Variants in XIRP2 observed in about 807,000 individuals in gnomAD.
The protein encoded by XIRP2 is xin actin binding repeat containing 2.
XIRP2 carries 236 observed loss-of-function variants against 277.0 expected under a neutral mutation model. That is an observed-to-expected ratio of 0.85 (90% CI 0.77 to 0.95). The LOEUF is 0.95. Ranked by LOEUF, XIRP2 falls within the 40% of genes least tolerant of loss-of-function variation. The probability of loss-of-function intolerance (pLI) is 0.00; values close to 1 mark genes in which losing one functional copy is unlikely to be tolerated. For missense variants in XIRP2, 4,640 were observed against 4,157.5 expected (o/e 1.12, Z -3.19); for synonymous variants, 1,490 against 1,416.5 (o/e 1.05, Z -1.17).
chr2:167,243,068 CAGAAAG>C lies in XIRP2; in HGVS notation c.1681_1686del (p.Arg561_Glu562del). ...GACAGTTCTCAAAAAGATCTGAACT[CAGAAAG>C]AGAATACTTGGAATGGGATGAAATT... On this transcript the variant is annotated inframe_deletion, in exon 9 of 11. Transcript: ENST00000409195. The C allele has an allele frequency of 6.2e-7, 1 of 1,614,006 alleles. No individual in the cohort carries two copies. The highest frequency in any genetic ancestry group is 1.3e-5 in the African/African-American group (1 of 75,008).
intron 2 of XIRP2, among the ~76,000 whole-genome samples, chr2:166,912,493 CT>C (rs1684737436): frequency 6.6e-6 from 1 of 152,176 alleles, no homozygotes; most frequent in Non-Finnish European, 1.5e-5. Flanking sequence ...TTTGGTTATT[CT>C]AGTTAGCCAT....
At position 167,058,488 on chromosome 2, in the gene XIRP2, G is replaced by A. The variant is rs538440023; in HGVS notation, c.409-77421G>A. Reference sequence around the variant, plus strand: ...CTTATGATTTTGTGATTTGACTGGCGAGATCTTCTGGTCTACTTGGTCTTG... The same window carrying A: ...CTTATGATTTTGTGATTTGACTGGCAAGATCTTCTGGTCTACTTGGTCTTG... On this transcript the variant is annotated intron_variant, in intron 2 of 10. Transcript: ENST00000409195. 3.3e-5 allele frequency among the ~76,000 whole-genome samples: 5 copies of A among 152,232 alleles called. No homozygotes were observed. The South Asian group carries it at 6.2e-4, about 19-fold the overall frequency.
At chr2:167,023,487 T>A (rs538715688) in intron 2 of XIRP2, among the ~76,000 whole-genome samples, 89 of 152,130 alleles carry the variant, frequency 5.9e-4, no homozygotes, top group Non-Finnish European at 9.1e-4. Context: ...ATTTTGTCTT[T>A]TGTTGCCATT....
intron 2 of XIRP2, among the ~76,000 whole-genome samples, chr2:166,927,602 C>G (rs925472325): frequency 1.3e-5 from 2 of 152,132 alleles, no homozygotes; most frequent in Non-Finnish European, 2.9e-5. Context: ...GCTTCTACTT[C>G]CCTCTTCCAT....
intron 3 of XIRP2, among the ~76,000 whole-genome samples, chr2:167,149,053 C>T (rs1691940623): frequency 6.6e-6 from 1 of 151,932 alleles, no homozygotes; most frequent in Non-Finnish European, 1.5e-5. Flanking sequence ...ATGGACTGTA[C>T]ACATAGGAGT....
intron 1 of XIRP2, among the ~76,000 whole-genome samples, chr2:166,902,813 CA>C (rs1684416581): frequency 6.6e-6 from 1 of 152,066 alleles, no homozygotes; most frequent in Admixed American, 6.6e-5. Context: ...CAGGCTTTGT[CA>C]CTCAGAATCC....
intron 3 of XIRP2, among the ~76,000 whole-genome samples, chr2:167,165,984 C>G (rs1321022508): frequency 6.6e-6 from 1 of 152,096 alleles, no homozygotes; most frequent in Admixed American, 6.5e-5. Flanking sequence ...ACATTTAGGT[C>G]CGTGATCCAT....
At chr2:167,252,308 G>A (rs1351472807) in intron 9 of XIRP2, among the ~76,000 whole-genome samples, 1 of 151,896 alleles carries the variant, frequency 6.6e-6, no homozygotes, top group Non-Finnish European at 1.5e-5. Context: ...GCCTAATATT[G>A]ACATATTTTT....
At chr2:167,142,636 G>A (rs1439138775) in intron 3 of XIRP2, among the ~76,000 whole-genome samples, 2 of 152,108 alleles carry the variant, frequency 1.3e-5, no homozygotes, top group African/African-American at 4.8e-5. Flanking sequence ...AAATTAGAAT[G>A]TCAGTACAAA....
chr2:166,959,736 T>C (rs780421517), intron 2 of XIRP2, among the ~76,000 whole-genome samples: 10 of 151,784 alleles, frequency 6.6e-5, no homozygotes, highest in Non-Finnish European at 1.5e-5. Flanking sequence ...CATTGTACTT[T>C]TGAGAGTTTG....
At chr2:167,193,281 T>C (rs544584402) in intron 3 of XIRP2, among the ~76,000 whole-genome samples, 2 of 152,288 alleles carry the variant, frequency 1.3e-5, no homozygotes, top group East Asian at 3.9e-4. Flanking sequence ...ACCTCTTTCA[T>C]TTACTTCACA....
At chr2:167,203,310 T>C (rs1693772557) in intron 3 of XIRP2, among the ~76,000 whole-genome samples, 1 of 152,252 alleles carries the variant, frequency 6.6e-6, no homozygotes, top group Non-Finnish European at 1.5e-5. Flanking sequence ...AGGAGAATAC[T>C]AGCTAGGACA....
chr2:167,172,928 T>C (rs1692737837), intron 3 of XIRP2, among the ~76,000 whole-genome samples: 1 of 152,194 alleles, frequency 6.6e-6, no homozygotes, highest in African/African-American at 2.4e-5. Context: ...CATGAAATCT[T>C]CACAATTTAT....
intron 3 of XIRP2, among the ~76,000 whole-genome samples, chr2:167,205,061 C>T (rs1420985636): frequency 6.6e-6 from 1 of 152,168 alleles, no homozygotes; most frequent in African/African-American, 2.4e-5. Context: ...CTCTCTAGCA[C>T]ATATTCACAT....
intron 2 of XIRP2, among the ~76,000 whole-genome samples, chr2:166,905,259 A>G (rs1344459494): frequency 2.6e-5 from 4 of 152,020 alleles, no homozygotes; most frequent in African/African-American, 7.2e-5. Context: ...AATAATTTCC[A>G]TTCAATCCCT....
chr2:166,898,251 T>C (rs1005511363), intron 1 of XIRP2, among the ~76,000 whole-genome samples: 1 of 152,106 alleles, frequency 6.6e-6, no homozygotes, highest in African/African-American at 2.4e-5. Flanking sequence ...CTTAAAGGGA[T>C]TCAGCTATTT....
intron 2 of XIRP2, among the ~76,000 whole-genome samples, chr2:167,065,060 G>T (rs565370540): frequency 1.1e-4 from 17 of 151,992 alleles, no homozygotes; most frequent in Admixed American, 1.1e-3. Context: ...TACATTTACA[G>T]TTTTGAGGAA....
At chr2:167,233,117 A>G (rs1449036315) in intron 5 of XIRP2, among the ~76,000 whole-genome samples, 1 of 151,904 alleles carries the variant, frequency 6.6e-6, no homozygotes, top group African/African-American at 2.4e-5. Flanking sequence ...ACATCTGATG[A>G]GGGAGAATGT....
chr2:167,135,164 T>C (rs993575317), intron 2 of XIRP2, among the ~76,000 whole-genome samples: 2 of 152,148 alleles, frequency 1.3e-5, no homozygotes, highest in Non-Finnish European at 2.9e-5. Context: ...TCTTGAGTCA[T>C]TTACTTACTT....
Sources: allele counts gnomAD v4.1 joint callset (sites outside exome capture counted in the v4.1 genomes callset), GRCh38; gene constraint gnomAD v4.1.1; transcripts MANE v1.5; gene names NCBI Gene and HGNC (gene_info 2026-07-23, HGNC 2026-07-21).